LRRC57: variants seen among roughly 807,000 people sequenced by gnomAD.
LRRC57 encodes leucine rich repeat containing 57.
A neutral mutation model predicts 23.1 loss-of-function variants in LRRC57; 14 were observed. The observed-to-expected ratio is 0.61, with a 90% CI of 0.40 to 0.95. The LOEUF is 0.95. Among genes scored for constraint, LRRC57 ranks in the 40% least tolerant of loss-of-function variants. The pLI is 0.00. For synonymous variants in LRRC57, 106 were observed against 115.2 expected, an observed-to-expected ratio of 0.92 and a Z score of 0.51; for missense variants, 236 against 284.4, an observed-to-expected ratio of 0.83 and a Z score of 1.22.
the LRRC57 span, chr15:42,528,474 A>G: frequency 6.4e-7 from 1 of 1,568,684 alleles, no homozygotes; most frequent in South Asian, 1.1e-5. Context: ...TGGTTCACTT[A>G]GGAGATGAGT....
intron 3 of LRRC57, 26 bp downstream of exon 3, chr15:42,548,080 A>G: frequency 1.2e-6 from 2 of 1,613,146 alleles, no homozygotes; most frequent in Non-Finnish European, 1.7e-6. Flanking sequence ...GATCACTAGC[A>G]AAAGCCTCCC....
chr15:42,548,738 G>A lies in LRRC57; in HGVS notation c.-68C>T, dbSNP rs529496867. On this transcript the variant is annotated 5_prime_UTR_variant, in exon 1 of 6. Coordinates refer to ENST00000397130, the MANE Select transcript of LRRC57 (RefSeq NM_153260.3). ...TAAGGCTCCGCAGGTGAAGACCCAG[G>A]ACCCGCAGTAGCCGGGATGCGCTCC... 9 of 676,672 alleles carry A rather than the reference G, an allele frequency of 1.3e-5. No individual in the cohort carries two copies. The highest frequency in any genetic ancestry group is 9.4e-5 in the South Asian group (5 of 53,132). The allele number at this position is 676,672 out of a possible 1,614,324, so 41.9% of individuals were successfully genotyped here. A position where few individuals can be genotyped will look rare whatever the true frequency, so the allele number is the denominator to read the frequency against.
rs1249214465 is a variant in LRRC57 at position 42,540,530 on chromosome 15, A to C, written c.*3553T>G. Reference sequence around the variant, plus strand: ...TGAAACCAATCCTCCATGGACACTGAGGGACAAGCTGTATAAAGGAGGTCA... The same window carrying C: ...TGAAACCAATCCTCCATGGACACTGCGGGACAAGCTGTATAAAGGAGGTCA... On this transcript the variant is annotated 3_prime_UTR_variant, in exon 6 of 6. Coordinates refer to ENST00000397130, the MANE Select transcript of LRRC57 (RefSeq NM_153260.3). 1 of 152,090 alleles carries C rather than the reference A, an allele frequency of 6.6e-6. No individual in the cohort carries two copies. The highest frequency in any genetic ancestry group is 1.5e-5 in the Non-Finnish European group (1 of 68,032). 9.4% of individuals were successfully genotyped at this position (152,090 alleles called of 1,614,324 possible).
downstream of LRRC57, among the ~76,000 whole-genome samples, chr15:42,537,224 C>G (rs947282928): frequency 4.5e-5 from 6 of 133,114 alleles, no homozygotes; most frequent in Non-Finnish European, 9.8e-5. Flanking sequence ...CTGTCTCTCT[C>G]TCTCTCTCTC....
chr15:42,547,929 T>A lies in LRRC57; in HGVS notation c.223+177A>T, dbSNP rs185758869. 5 of 633,138 alleles carry A rather than the reference T, an allele frequency of 7.9e-6. No homozygotes were observed. In the East Asian group the frequency reaches 1.4e-4, roughly 17 times the overall value. 39.2% of individuals were successfully genotyped at this position (633,138 alleles called of 1,614,324 possible). ...CAATCATTATAACACCCAATCATTATAAGGCTTATTTTAGATGTAATTACA... is the reference window on the plus strand; with the variant it reads ...CAATCATTATAACACCCAATCATTAAAAGGCTTATTTTAGATGTAATTACA... On this transcript the variant is annotated intron_variant, in intron 3 of 5. Transcript: ENST00000397130.
chr15:42,547,319 C>T lies in LRRC57; in HGVS notation c.434G>A (p.Ser145Asn), dbSNP rs147281575. 1 of 1,614,208 alleles carries T rather than the reference C, an allele frequency of 6.2e-7. No homozygotes were observed. The change falls in exon 4 of 6, where the codon AGT becomes AAT. Residue 145 changes from serine (S) to asparagine (N), a missense_variant. Transcript: ENST00000397130. ...CAGCTCTCCCACTGAGTCAGGTATA[C>T]TTCGAATCTGGTTCTTAGAGAGATC... ...VMDLSKNQIR[S>N]IPDSVGELQV...
downstream of LRRC57, among the ~76,000 whole-genome samples, chr15:42,536,652 GA>G (rs2141570747): frequency 6.6e-6 from 1 of 152,288 alleles, no homozygotes; most frequent in Non-Finnish European, 1.5e-5. Context: ...ATCAAAATTA[GA>G]CTCCATCATG....
chr15:42,536,164 A>G (rs1484080997), downstream of LRRC57, among the ~76,000 whole-genome samples: 1 of 152,204 alleles, frequency 6.6e-6, no homozygotes, highest in African/African-American at 2.4e-5. Context: ...TCACCATAAC[A>G]TATCATAATA....
In LRRC57 at chr15:42,543,460, A is replaced by C. The variant is rs1243220476; in HGVS notation, c.*623T>G. 1 of 152,248 alleles carries C rather than the reference A, an allele frequency of 6.6e-6. No homozygotes were observed. Among genetic ancestry groups the C allele is most frequent in the Non-Finnish European group, 1.5e-5 (1 of 68,068 alleles). The allele number at this position is 152,248 out of a possible 1,614,324, so 9.4% of individuals were successfully genotyped here. A position where few individuals can be genotyped will look rare whatever the true frequency, so the allele number is the denominator to read the frequency against. On this transcript the variant is annotated 3_prime_UTR_variant, in exon 6 of 6. Transcript: ENST00000397130. ...AGTGAGCCACCCGCCTTGGCCTCCCAAAGTGCTGGGATTATAGGCATGAGC... is the reference window on the plus strand; with the variant it reads ...AGTGAGCCACCCGCCTTGGCCTCCCCAAGTGCTGGGATTATAGGCATGAGC...
chr15:42,545,044 T>A, intron 5 of LRRC57, 33 bp downstream of exon 5: 1 of 1,462,992 alleles, frequency 6.8e-7, no homozygotes, highest in East Asian at 2.4e-5. Context: ...TCTGGGGTAG[T>A]GACTAGAAAT....
At chr15:42,547,211 C>T (rs563630799) in intron 4 of LRRC57, 50 bp downstream of exon 4, 2 of 1,581,672 alleles carry the variant, frequency 1.3e-6, no homozygotes, top group East Asian at 2.2e-5. Context: ...TATCAGGAGA[C>T]CTTAAAGCCA....
At chr15:42,546,599 G>C (rs2057659203) in intron 4 of LRRC57, among the ~76,000 whole-genome samples, 1 of 152,108 alleles carries the variant, frequency 6.6e-6, no homozygotes, top group Admixed American at 6.5e-5. Context: ...GAAAACTAAA[G>C]GCCATCCAGT....
chr15:42,528,515 T>C, the LRRC57 span: 1 of 1,173,420 alleles, frequency 8.5e-7, no homozygotes, highest in Admixed American at 2.4e-5. Context: ...ATAAAACAAA[T>C]AAAAATTGTA....
chr15:42,536,271 G>A (rs1484014900), downstream of LRRC57, among the ~76,000 whole-genome samples: 1 of 152,220 alleles, frequency 6.6e-6, no homozygotes, highest in Admixed American at 6.5e-5. Context: ...GCTCGATGTA[G>A]GGTTGCTACA....
chr15:42,528,730 T>G, the LRRC57 span, among the ~76,000 whole-genome samples: 1 of 152,060 alleles, frequency 6.6e-6, no homozygotes, highest in East Asian at 1.9e-4. Flanking sequence ...GGACTACAGG[T>G]GTGCGCCACC....
chr15:42,544,815 T>TCTCACACACA (rs2057648386), intron 5 of LRRC57, among the ~76,000 whole-genome samples: 1 of 131,822 alleles, frequency 7.6e-6, no homozygotes, highest in African/African-American at 3.5e-5. Context: ...AGACCCTGTC[T>TCTCACACACA]CACACACACA....
At chr15:42,528,494 C>CT in the LRRC57 span, 2 of 1,342,516 alleles carry the variant, frequency 1.5e-6, no homozygotes, top group East Asian at 4.6e-5. Context: ...TTTAGCAGTA[C>CT]ATGACCCCTA....
At chr15:42,528,492 T>A in the LRRC57 span, 3 of 1,359,142 alleles carry the variant, frequency 2.2e-6, no homozygotes, top group East Asian at 4.6e-5. Flanking sequence ...AGTTTAGCAG[T>A]ACATGACCCC....
Position 42,543,908 on chromosome 15 carries a change from C to T in LRRC57, c.*175G>A, listed in dbSNP as rs1033391427. 3.9e-6 allele frequency: 2 copies of T among 507,906 alleles called. No homozygotes were observed. The highest frequency in any genetic ancestry group is 3.5e-6 in the Non-Finnish European group (1 of 284,278). The allele number at this position is 507,906 out of a possible 1,614,324, so 31.5% of individuals were successfully genotyped here. ...TGTCTCCTGATCCTTTTTCTTTTAG[C>T]TTATTTGAGAAGAGCCCTGAAATGA... On this transcript the variant is annotated 3_prime_UTR_variant, in exon 6 of 6. Coordinates refer to ENST00000397130, the MANE Select transcript of LRRC57 (RefSeq NM_153260.3).
Sources: gnomAD v4.1 joint callset for allele counts (sites outside exome capture counted in the v4.1 genomes callset) on GRCh38, gnomAD v4.1.1 for gene constraint, MANE v1.5 for transcripts, NCBI Gene and HGNC (gene_info 2026-07-23, HGNC 2026-07-21) for gene names.